Variants in ITPK1 observed in about 807,000 individuals in gnomAD.
ITPK1 encodes the protein inositol-tetrakisphosphate 1-kinase.
Under a neutral mutation model 45.3 loss-of-function variants are expected in ITPK1, and 21 were observed. That is an observed-to-expected ratio of 0.46 (90% CI 0.33 to 0.67). ITPK1 has a LOEUF of 0.67. ITPK1 is among the 30% of genes least tolerant of loss of function. The pLI is 0.02. For synonymous variants in ITPK1, 258 were observed against 253.6 expected (o/e 1.02, Z -0.16); for missense variants, 474 against 573.5 (o/e 0.83, Z 1.77).
At position 92,941,854 on chromosome 14, in the gene ITPK1, T is replaced by A. The variant is rs1455517058; in HGVS notation, c.952A>T (p.Thr318Ser). The stretch of plus-strand genomic sequence containing the variant: ...GCTGTGCTCTGGCCCTGCAGGACAG[T>A]GGCGATGTGGTTCAGGAGGTCTGTG... ...FFTDLLNHIA[T>S]VLQGQSTAMA... is the part of the protein sequence containing the mutation. Residue 318 changes from threonine (T) to serine (S), a missense_variant, in exon 11 of 11, where the codon ACT becomes TCT. Transcript: ENST00000267615. 6.2e-7 allele frequency: 1 copy of A among 1,612,462 alleles called. No individual in the cohort carries two copies. Among genetic ancestry groups the A allele is most frequent in the African/African-American group, 1.3e-5 (1 of 74,926 alleles).
intron 8 of ITPK1, among the ~76,000 whole-genome samples, chr14:92,953,154 C>T (rs1034950907): frequency 3.3e-5 from 5 of 152,256 alleles, no homozygotes; most frequent in South Asian, 2.1e-4. Context: ...CTGCCAACGA[C>T]CCATCAGCTC....
chr14:93,083,985 T>C (rs1445679123), intron 2 of ITPK1, among the ~76,000 whole-genome samples: 1 of 152,228 alleles, frequency 6.6e-6, no homozygotes, highest in Non-Finnish European at 1.5e-5. Flanking sequence ...ATTTCCCTCC[T>C]GGACACTCAG....
intron 8 of ITPK1, among the ~76,000 whole-genome samples, chr14:92,953,470 G>A (rs1368519781): frequency 6.6e-6 from 1 of 152,264 alleles, no homozygotes; most frequent in African/African-American, 2.4e-5. Flanking sequence ...TGTGGGGATG[G>A]CATAAGCCCT....
At chr14:93,011,290 G>A (rs1204585348) in intron 4 of ITPK1, among the ~76,000 whole-genome samples, 1 of 152,232 alleles carries the variant, frequency 6.6e-6, no homozygotes, top group Non-Finnish European at 1.5e-5. Context: ...CCTGTGCTGG[G>A]TGAGGGGAGC....
rs1461864427 is a variant in ITPK1, at chr14:93,034,523, G to GC, written c.121-17723dup. Among the ~76,000 whole-genome samples the GC allele has an allele frequency of 1.3e-5, 2 of 152,124 alleles. No homozygotes were observed. Among genetic ancestry groups the GC allele is most frequent in the Admixed American group, 6.5e-5 (1 of 15,278 alleles). On this transcript the variant is annotated intron_variant, in intron 3 of 10. Coordinates refer to ENST00000267615, the MANE Select transcript of ITPK1 (RefSeq NM_014216.6). This position sits in a 1 kb window ranked among gnomAD's most constrained non-coding sequence, Gnocchi z 4.1. ...GGGGAGGCGGGCTCCACCACAGCTG[G>GC]CCCCCACTGGGCTGGGAGATCTGTC... is the stretch of plus-strand genomic sequence containing the variant.
chr14:93,096,036 G>A (rs1445814350), intron 2 of ITPK1, among the ~76,000 whole-genome samples: 1 of 152,090 alleles, frequency 6.6e-6, no homozygotes, highest in African/African-American at 2.4e-5. Context: ...GCATGCTGGG[G>A]CCTGGAAAGC....
Position 93,036,533 on chromosome 14 carries a change from C to T in ITPK1, c.121-19732G>A, listed in dbSNP as rs1889328138. On this transcript the variant is annotated intron_variant, in intron 3 of 10. Coordinates refer to ENST00000267615, the MANE Select transcript of ITPK1 (RefSeq NM_014216.6). The surrounding 1 kb of genome is among the most constrained non-coding windows in gnomAD (Gnocchi z 4.1). ...CCCCATTTGACCCCCACGGCTCTTG[C>T]TGTTTGCTGGTGGCAGCCTCTCCAC... 6.6e-6 allele frequency among the ~76,000 whole-genome samples: 1 copy of T among 151,970 alleles called. No homozygotes were observed.
At chr14:93,029,038 T>C (rs1888898363) in intron 3 of ITPK1, among the ~76,000 whole-genome samples, 1 of 152,178 alleles carries the variant, frequency 6.6e-6, no homozygotes, top group South Asian at 2.1e-4. Flanking sequence ...CCAGTTGTTC[T>C]AGAAACCAGC....
intron 3 of ITPK1, among the ~76,000 whole-genome samples, chr14:93,019,204 TC>T (rs1416130813): frequency 6.6e-6 from 1 of 152,148 alleles, no homozygotes; most frequent in African/African-American, 2.4e-5. Context: ...GAGCGACGCA[TC>T]CGGGCCCACA....
intron 9 of ITPK1, among the ~76,000 whole-genome samples, chr14:92,951,378 C>T (rs183967089): frequency 1.3e-5 from 2 of 152,268 alleles, no homozygotes; most frequent in East Asian, 1.9e-4. Flanking sequence ...GCCTTGTGAA[C>T]GTGCAAAGAT....
intron 5 of ITPK1, among the ~76,000 whole-genome samples, chr14:92,988,041 AG>A (rs1458909330): frequency 6.6e-6 from 1 of 152,218 alleles, no homozygotes; most frequent in Admixed American, 6.5e-5. Flanking sequence ...CTGCACTGAA[AG>A]GGCGGGTCTC....
At chr14:93,111,820 C>T (rs770047501) in intron 2 of ITPK1, among the ~76,000 whole-genome samples, 3 of 151,950 alleles carry the variant, frequency 2.0e-5, no homozygotes, top group African/African-American at 4.8e-5. Flanking sequence ...CAACCAGAGC[C>T]GTGTCCCCAG....
At chr14:93,022,406 G>C (rs549737188) in intron 3 of ITPK1, among the ~76,000 whole-genome samples, 8 of 152,306 alleles carry the variant, frequency 5.3e-5, no homozygotes, top group African/African-American at 1.9e-4. Flanking sequence ...TGGTGTGGCT[G>C]GGCACAGTGG....
At chr14:93,040,852 T>C (rs1956028) in intron 3 of ITPK1, among the ~76,000 whole-genome samples, 39,909 of 151,976 alleles carry the variant, frequency 0.26, 8,046 homozygotes, top group African/African-American at 0.56. Flanking sequence ...AGGTCCTGGC[T>C]CCATCACCTG....
intron 4 of ITPK1, among the ~76,000 whole-genome samples, chr14:92,996,849 C>A (rs1022429890): frequency 6.6e-6 from 1 of 152,170 alleles, no homozygotes. Context: ...CGCCCGATGT[C>A]GTCACCTCTC....
intron 4 of ITPK1, among the ~76,000 whole-genome samples, chr14:93,015,150 C>T (rs1888113721): frequency 6.6e-6 from 1 of 152,136 alleles, no homozygotes; most frequent in Admixed American, 6.5e-5. Context: ...AGGTTGGAGG[C>T]AGAGAGGAAC....
intron 4 of ITPK1, 34 bp from the exon 5 acceptor site, chr14:92,994,031 G>GCAT: frequency 2.1e-6 from 3 of 1,443,508 alleles, no homozygotes; most frequent in Non-Finnish European, 2.9e-6. Context: ...GGTTAGAGCA[G>GCAT]GGGTAGGGCC....
intron 2 of ITPK1, among the ~76,000 whole-genome samples, chr14:93,100,734 G>C (rs1465386865): frequency 6.6e-6 from 1 of 152,108 alleles, no homozygotes; most frequent in East Asian, 1.9e-4. Flanking sequence ...CACCCCTGTG[G>C]CTCTAGGAAT....
chr14:93,018,139 G>C (rs1319773393), intron 3 of ITPK1, among the ~76,000 whole-genome samples: 2 of 152,280 alleles, frequency 1.3e-5, no homozygotes, highest in East Asian at 3.9e-4. Context: ...GCCAACTGGA[G>C]GCACAGCAGA....
Sources: allele counts gnomAD v4.1 joint callset (sites outside exome capture counted in the v4.1 genomes callset), GRCh38; gene constraint gnomAD v4.1.1; non-coding constraint Gnocchi (gnomAD v3.1); transcripts MANE v1.5; gene names NCBI Gene and HGNC (gene_info 2026-07-23, HGNC 2026-07-21).